The following MAOA variants were observed in gnomAD, a reference collection of about 807,000 sequenced individuals.
MAOA encodes the protein monoamine oxidase A.
In MAOA, 6 loss-of-function variants were observed where a neutral mutation model predicts 42.0. The observed-to-expected ratio is 0.14, with a 90% CI of 0.08 to 0.28. MAOA has a LOEUF of 0.28. MAOA is among the 10% of genes least tolerant of loss of function. The probability of loss-of-function intolerance (pLI) is 1.00; values close to 1 mark genes in which losing one functional copy is unlikely to be tolerated. For synonymous variants in MAOA, 140 were observed against 154.0 expected, an observed-to-expected ratio of 0.91 and a Z score of 0.67; for missense variants, 262 against 422.3, an observed-to-expected ratio of 0.62 and a Z score of 3.33.
chrX:43,728,463 A>C, intron 6 of MAOA, 149 bp downstream of exon 6: 1 of 652,112 alleles, frequency 1.5e-6, no homozygotes, highest in Non-Finnish European at 2.4e-6. Context: ...CTGAAAAAAA[A>C]ATTTCTCATT....
chrX:43,734,378 A>G (rs2033905652), intron 9 of MAOA, among the ~76,000 whole-genome samples: 1 of 111,168 alleles, frequency 9.0e-6, no homozygotes, highest in Non-Finnish European at 1.9e-5. Context: ...TAAAGCTACC[A>G]TTTATTGAGC....
At chrX:43,656,106 C>T, upstream of MAOA, 5 of 431,572 alleles carry the variant, frequency 1.2e-5, no homozygotes, top group Non-Finnish European at 2.0e-5. Context: ...GGGTCCGCCC[C>T]GCTCTCAGTG....
chrX:43,710,636 A>T (rs779985923), intron 3 of MAOA, among the ~76,000 whole-genome samples: 9 of 112,568 alleles, frequency 8.0e-5, no homozygotes, highest in Non-Finnish European at 1.3e-4. Context: ...CAAGGCATTG[A>T]TTTTTAAAGT....
intron 1 of MAOA, among the ~76,000 whole-genome samples, chrX:43,656,683 CTTTACGTGGA>C (rs1201888320): frequency 2.7e-5 from 3 of 111,260 alleles, no homozygotes; most frequent in Non-Finnish European, 5.7e-5. Context: ...GTATTTAGCA[CTTTACGTGGA>C]TTTTCTCAGT....
chrX:43,679,066 A>G (rs1276981929), intron 1 of MAOA, among the ~76,000 whole-genome samples: 1 of 111,889 alleles, frequency 8.9e-6, no homozygotes, highest in Non-Finnish European at 1.9e-5. Flanking sequence ...GAAACCATTT[A>G]TCTGAAATCC....
At chrX:43,684,536 C>CAAACAAAACAAAACAAAACA (rs751315529) in intron 2 of MAOA, among the ~76,000 whole-genome samples, 3 of 103,174 alleles carry the variant, frequency 2.9e-5, no homozygotes, top group South Asian at 4.3e-4. Flanking sequence ...AATATGAAGG[C>CAAACAAAACAAAACAAAACA]AAACAAAACA....
At chrX:43,676,769 ATGTGTG>A (rs761762083) in intron 1 of MAOA, among the ~76,000 whole-genome samples, 4,785 of 103,293 alleles carry the variant, frequency 0.046, 269 homozygotes, top group African/African-American at 0.15. Flanking sequence ...CATACAAAAA[ATGTGTG>A]TGTGTGTGTG....
chrX:43,724,930 TACTC>T (rs1238894885), intron 5 of MAOA, among the ~76,000 whole-genome samples: 2 of 112,161 alleles, frequency 1.8e-5, no homozygotes, highest in Non-Finnish European at 3.8e-5. Context: ...TTTTGTTAAT[TACTC>T]AGTAGTCATT....
At chrX:43,656,704 C>T (rs143221985) in intron 1 of MAOA, among the ~76,000 whole-genome samples, 1,505 of 111,231 alleles carry the variant, frequency 0.014, 13 homozygotes, top group Non-Finnish European at 0.023. Context: ...TTTTCTCAGT[C>T]CTCAACAGTC....
chrX:43,743,017 A>G (rs150980679), intron 12 of MAOA, among the ~76,000 whole-genome samples: 198 of 111,067 alleles, frequency 1.8e-3, no homozygotes, highest in African/African-American at 6.2e-3. Context: ...AAGATGAGGA[A>G]TAGATGAAAC....
intron 1 of MAOA, among the ~76,000 whole-genome samples, chrX:43,668,687 C>T (rs1260692739): frequency 6.3e-5 from 7 of 111,856 alleles, no homozygotes; most frequent in Non-Finnish European, 1.1e-4. Context: ...TCTTATTTCT[C>T]TGTCTCTCTA....
At chrX:43,677,348 A>G (rs1024036190) in intron 1 of MAOA, among the ~76,000 whole-genome samples, 1 of 111,998 alleles carries the variant, frequency 8.9e-6, no homozygotes, top group African/African-American at 3.2e-5. Context: ...TTCTATGGGC[A>G]GTTGCTTTAA....
At chrX:43,669,590 T>G (rs1427862276) in intron 1 of MAOA, among the ~76,000 whole-genome samples, 1 of 111,438 alleles carries the variant, frequency 9.0e-6, no homozygotes, top group East Asian at 2.8e-4. Context: ...CGTTTCACCC[T>G]TATCTAATGG....
intron 2 of MAOA, among the ~76,000 whole-genome samples, chrX:43,689,106 G>A (rs1008362821): frequency 3.6e-5 from 4 of 110,464 alleles, no homozygotes; most frequent in African/African-American, 1.3e-4. Context: ...TTGAGACAGA[G>A]TCTCACTGTG....
At chrX:43,720,195 G>A (rs2033777778) in intron 5 of MAOA, among the ~76,000 whole-genome samples, 1 of 110,267 alleles carries the variant, frequency 9.1e-6, no homozygotes. Context: ...ACTGGGGGAG[G>A]CAGGAAAGGT....
chrX:43,668,477 C>A (rs1468375275), intron 1 of MAOA, among the ~76,000 whole-genome samples: 6 of 112,208 alleles, frequency 5.3e-5, no homozygotes, highest in African/African-American at 1.9e-4. Context: ...TTAGAAAAAT[C>A]TGCCTTACTT....
rs1228078329 is a variant in MAOA, at chrX:43,745,688, T to C, written c.*1175T>C. On this transcript the variant is annotated 3_prime_UTR_variant, in exon 15 of 15. Transcript: ENST00000338702. ...AAAGACATGAAATTGAGTCATTTTA[T>C]ATATGAAAACTAAGTTCTCTATCTT... is the stretch of plus-strand genomic sequence containing the variant. The C allele has an allele frequency of 4.5e-5, 5 of 111,806 alleles. No individual in the cohort carries two copies. Among genetic ancestry groups the C allele is most frequent in the Non-Finnish European group, 7.5e-5 (4 of 53,189 alleles). 9.2% of individuals were successfully genotyped at this position (111,806 alleles called of 1,213,427 possible).
intron 2 of MAOA, among the ~76,000 whole-genome samples, chrX:43,691,491 T>C (rs939456009): frequency 1.8e-5 from 2 of 112,175 alleles, no homozygotes; most frequent in African/African-American, 3.2e-5. Context: ...TTGAAACATA[T>C]ATGAAATGTA....
chrX:43,674,047 G>A (rs1166035764), intron 1 of MAOA, among the ~76,000 whole-genome samples: 2 of 112,420 alleles, frequency 1.8e-5, no homozygotes, highest in Admixed American at 9.4e-5. Flanking sequence ...ACAGTGGGGT[G>A]TTAAAGTCTC....
Sources: gnomAD v4.1 joint callset for allele counts (sites outside exome capture counted in the v4.1 genomes callset) on GRCh38, gnomAD v4.1.1 for gene constraint, MANE v1.5 for transcripts, NCBI Gene and HGNC (gene_info 2026-07-23, HGNC 2026-07-21) for gene names.